C1QL3: variants seen among roughly 807,000 people sequenced by gnomAD.
The protein encoded by C1QL3 is complement C1q like 3.
Under a neutral mutation model 16.6 loss-of-function variants are expected in C1QL3, and 4 were observed. That is an observed-to-expected ratio of 0.24 (90% confidence interval 0.12 to 0.55). The LOEUF is 0.55. Ranked by LOEUF, C1QL3 falls within the 20% of genes least tolerant of loss-of-function variation. The pLI is 0.94. For synonymous variants in C1QL3, 189 were observed against 160.2 expected (o/e 1.18, Z -1.36); for missense variants, 269 against 365.6 (o/e 0.74, Z 2.16).
At position 16,520,327 on chromosome 10, in the gene C1QL3, G is replaced by C; in HGVS notation, c.588+151C>G. 1.6e-6 allele frequency: 1 copy of C among 619,812 alleles called. No homozygotes were observed. Among genetic ancestry groups the C allele is most frequent in the Non-Finnish European group, 2.7e-6 (1 of 369,738 alleles). 38.4% of individuals were successfully genotyped at this position (619,812 alleles called of 1,614,324 possible). On this transcript the variant is annotated intron_variant, in intron 1 of 1. Transcript: ENST00000298943. The surrounding 1 kb of genome is among the most constrained non-coding windows in gnomAD (Gnocchi z 8.3). ...GCACGACCCCCGCCTCTCCAGGGTG[G>C]GACGGCGTCCCCCCTTGCCGTCGCT...
Position 16,521,551 on chromosome 10 carries a change from G to A in C1QL3, c.-486C>T, listed in dbSNP as rs1404701367. 6.5e-6 allele frequency: 1 copy of A among 153,538 alleles called. No individual in the cohort carries two copies. The highest frequency in any genetic ancestry group is 2.4e-5 in the African/African-American group (1 of 41,450). 9.5% of individuals were successfully genotyped at this position (153,538 alleles called of 1,614,324 possible). A position where few individuals can be genotyped will look rare whatever the true frequency, so the allele number is the denominator to read the frequency against. On this transcript the variant is annotated 5_prime_UTR_variant, in exon 1 of 2. Coordinates refer to ENST00000298943, the MANE Select transcript of C1QL3 (RefSeq NM_001010908.2). ...GCCTGTTCGCACCAACTTTCCGTCT[G>A]AAGTTGCCTTTTTCTGCCTCCTCCT...
Position 16,520,480 on chromosome 10 carries a change from G to T in C1QL3, c.586C>A (p.Gln196Lys), listed in dbSNP as rs1049343194. The change falls in exon 1 of 2, where the codon CAG (glutamine) becomes AAG (lysine). Residue 196 changes from glutamine (Q) to lysine (K), a missense_variant and splice_region_variant. Coordinates refer to ENST00000298943, the MANE Select transcript of C1QL3 (RefSeq NM_001010908.2). This position sits in a 1 kb window ranked among gnomAD's most constrained non-coding sequence, Gnocchi z 8.3. The stretch of plus-strand genomic sequence containing the variant: ...CCCCGCCGCCCGCCCGCGCTCACCT[G>T]GTTGTTTTTGCAGAGATCAGCCCAC... The part of the protein sequence containing the change: ...SMWADLCKNN[Q>K]VRASAIAQDA... 2.6e-6 allele frequency: 4 copies of T among 1,557,608 alleles called. No homozygotes were observed. Among genetic ancestry groups the T allele is most frequent in the Non-Finnish European group, 3.5e-6 (4 of 1,148,814 alleles).
intron 1 of C1QL3, among the ~76,000 whole-genome samples, chr10:16,519,413 C>CGCAGGCT (rs141023069): frequency 0.029 from 4,436 of 151,834 alleles, 205 homozygotes; most frequent in African/African-American, 0.098. Flanking sequence ...CAGCCCACAC[C>CGCAGGCT]GCAGGCTGCA....
At position 16,520,441 on chromosome 10, in the gene C1QL3, T is replaced by TCCCCAC; in HGVS notation, c.588+36_588+37insGTGGGG. 3 of 1,227,530 alleles carry TCCCCAC rather than the reference T, an allele frequency of 2.4e-6. No homozygotes were observed. Among genetic ancestry groups the TCCCCAC allele is most frequent in the East Asian group, 2.8e-5 (1 of 35,374 alleles). 76.0% of individuals were successfully genotyped at this position (1,227,530 alleles called of 1,614,324 possible). A position where few individuals can be genotyped will look rare whatever the true frequency, so the allele number is the denominator to read the frequency against. On this transcript the variant is annotated intron_variant, in intron 1 of 1. Coordinates refer to ENST00000298943, the MANE Select transcript of C1QL3 (RefSeq NM_001010908.2). The surrounding 1 kb of genome is among the most constrained non-coding windows in gnomAD (Gnocchi z 8.3). ...CCCTCTCGCCCGCACCTTCCCGCGC[T>TCCCCAC]CCCTCCCCGCCCTCCCCGCCGCCCG...
chr10:16,515,899 G>A (rs775216156), intron 1 of C1QL3, among the ~76,000 whole-genome samples: 3 of 152,064 alleles, frequency 2.0e-5, no homozygotes, highest in Non-Finnish European at 4.4e-5. Flanking sequence ...ATGATTTGGG[G>A]TACAATATGC....
At position 16,520,048 on chromosome 10, in the gene C1QL3, CA is replaced by C. The variant is rs1427807039; in HGVS notation, c.588+429del. Among the ~76,000 whole-genome samples the C allele has an allele frequency of 1.3e-5, 2 of 152,066 alleles. No individual in the cohort carries two copies. The highest frequency in any genetic ancestry group is 4.8e-5 in the African/African-American group (2 of 41,408). On this transcript the variant is annotated intron_variant, in intron 1 of 1. Coordinates refer to ENST00000298943, the MANE Select transcript of C1QL3 (RefSeq NM_001010908.2). The surrounding 1 kb of genome is among the most constrained non-coding windows in gnomAD (Gnocchi z 8.3). ...CTTTGTCTACCACCCCCGAGTCGGTCACCCTGCCACGCCCATTCCGGACTCC... is the reference window on the plus strand; with the variant it reads ...CTTTGTCTACCACCCCCGAGTCGGTCCCCTGCCACGCCCATTCCGGACTCC...
Position 16,514,188 on chromosome 10 carries a change from A to C in C1QL3, c.*340T>G, listed in dbSNP as rs1404420948. ...ACATATGGATAAAAGCAGCAAGATCACAGTACACCAAAGTATCATATATAT... is the reference window on the plus strand; with the variant it reads ...ACATATGGATAAAAGCAGCAAGATCCCAGTACACCAAAGTATCATATATAT... On this transcript the variant is annotated 3_prime_UTR_variant, in exon 2 of 2. Transcript: ENST00000298943. 2.5e-6 allele frequency: 1 copy of C among 399,590 alleles called. No individual in the cohort carries two copies. Among genetic ancestry groups the C allele is most frequent in the Non-Finnish European group, 4.4e-6 (1 of 227,230 alleles). 24.8% of individuals were successfully genotyped at this position (399,590 alleles called of 1,614,324 possible).
rs1158980370 is a variant in C1QL3 at position 16,521,077 on chromosome 10, G to A, written c.-12C>T. 1.9e-6 allele frequency: 3 copies of A among 1,590,508 alleles called. No homozygotes were observed. In the East Asian group the frequency reaches 6.8e-5, roughly 36 times the overall value. On this transcript the variant is annotated 5_prime_UTR_variant, in exon 1 of 2. Coordinates refer to ENST00000298943, the MANE Select transcript of C1QL3 (RefSeq NM_001010908.2). The stretch of plus-strand genomic sequence containing the variant: ...AGCAGCAGCACCATCACCACCCCCA[G>A]CGCCCCGGCGGCGATCAGGCGCCTC...
intron 1 of C1QL3, among the ~76,000 whole-genome samples, chr10:16,517,699 T>G (rs908663317): frequency 3.3e-5 from 5 of 152,202 alleles, no homozygotes; most frequent in South Asian, 2.1e-4. Flanking sequence ...TTTAGGGATA[T>G]GTTTCTGTGT....
chr10:16,518,130 G>C (rs1836982551), intron 1 of C1QL3, among the ~76,000 whole-genome samples: 1 of 152,148 alleles, frequency 6.6e-6, no homozygotes, highest in Admixed American at 6.5e-5. Flanking sequence ...TCTAAGAAGT[G>C]ATCAGACCAG....
At position 16,520,055 on chromosome 10, in the gene C1QL3, C is replaced by T. The variant is rs1305605215; in HGVS notation, c.588+423G>A. Reference sequence around the variant, plus strand: ...TACCACCCCCGAGTCGGTCACCCTGCCACGCCCATTCCGGACTCCCCCAGG... The same window carrying T: ...TACCACCCCCGAGTCGGTCACCCTGTCACGCCCATTCCGGACTCCCCCAGG... On this transcript the variant is annotated intron_variant, in intron 1 of 1. Coordinates refer to ENST00000298943, the MANE Select transcript of C1QL3 (RefSeq NM_001010908.2). The surrounding 1 kb of genome is among the most constrained non-coding windows in gnomAD (Gnocchi z 8.3). Among the ~76,000 whole-genome samples the T allele has an allele frequency of 6.6e-6, 1 of 152,034 alleles. No homozygotes were observed. The highest frequency in any genetic ancestry group is 1.5e-5 in the Non-Finnish European group (1 of 67,984).
chr10:16,518,029 T>A (rs901418039), intron 1 of C1QL3, among the ~76,000 whole-genome samples: 1 of 152,208 alleles, frequency 6.6e-6, no homozygotes, highest in African/African-American at 2.4e-5. Context: ...CTTCTCAAAA[T>A]CCACTTAATC....
chr10:16,514,392 G>T lies in C1QL3; in HGVS notation c.*136C>A. The T allele has an allele frequency of 1.5e-6, 1 of 669,600 alleles. No homozygotes were observed. Among genetic ancestry groups the T allele is most frequent in the Non-Finnish European group, 2.6e-6 (1 of 382,262 alleles). 41.5% of individuals were successfully genotyped at this position (669,600 alleles called of 1,614,324 possible). A position where few individuals can be genotyped will look rare whatever the true frequency, so the allele number is the denominator to read the frequency against. ...TTCTGAGTGATACAGATGTGAGTCAGGTAGCATTTGATTTCCCCACATATA... is the reference window on the plus strand; with the variant it reads ...TTCTGAGTGATACAGATGTGAGTCATGTAGCATTTGATTTCCCCACATATA... On this transcript the variant is annotated 3_prime_UTR_variant, in exon 2 of 2. Coordinates refer to ENST00000298943, the MANE Select transcript of C1QL3 (RefSeq NM_001010908.2).
rs529048732 is a variant in C1QL3, at chr10:16,520,997, C to T, written c.69G>A (p.Glu23=). ...AGACCATGCGGCAGGTGCCCAGCAT[C>T]TCGTAGTGCGCCGACGTGCCGGCCG... ...VSSAGTSAHY[E]MLGTCRMVCD... Residue 23 remains glutamate, a synonymous_variant, in exon 1 of 2, where the codon GAG becomes GAA. Coordinates refer to ENST00000298943, the MANE Select transcript of C1QL3 (RefSeq NM_001010908.2). The surrounding 1 kb of genome is among the most constrained non-coding windows in gnomAD (Gnocchi z 8.3). The T allele has an allele frequency of 1.9e-5, 31 of 1,596,936 alleles. No homozygotes were observed. In the African/African-American group the frequency reaches 2.5e-4, roughly 13 times the overall value.
rs1313627422 is a variant in C1QL3, at chr10:16,520,513, T to A, written c.553A>T (p.Thr185Ser). ...TTGCAGAGATCAGCCCACATGCTGG[T>A]GCCGTCCCCTCCGCGCATCAGGACG... ...YHVLMRGGDG[T>S]SMWADLCKNN... Residue 185 changes from threonine to serine, a missense_variant, in exon 1 of 2, where the codon ACC becomes TCC. Transcript: ENST00000298943. The surrounding 1 kb of genome is among the most constrained non-coding windows in gnomAD (Gnocchi z 8.3). 1 of 1,533,218 alleles carries A rather than the reference T, an allele frequency of 6.5e-7. No individual in the cohort carries two copies. Among genetic ancestry groups the A allele is most frequent in the South Asian group, 1.1e-5 (1 of 89,774 alleles). 95.0% of individuals were successfully genotyped at this position (1,533,218 alleles called of 1,614,324 possible).
In C1QL3 at chr10:16,519,140, C is replaced by CTTTTTTTT. The variant is rs567187339; in HGVS notation, c.588+1330_588+1337dup. Among the ~76,000 whole-genome samples, 15 of 39,450 alleles carry CTTTTTTTT rather than the reference C, an allele frequency of 3.8e-4. 2 individuals carry two copies. Among genetic ancestry groups the CTTTTTTTT allele is most frequent in the South Asian group, 1.4e-3 (1 of 706 alleles). 25.9% of individuals were successfully genotyped at this position (39,450 alleles called of 152,430 possible). ...TTTTTTCTCTCTTACGCATTTAGGA[C>CTTTTTTTT]TTTTTTTTTTTTTTTTTTGGTCTTT... On this transcript the variant is annotated intron_variant, in intron 1 of 1. Transcript: ENST00000298943.
In C1QL3 at chr10:16,520,792, C is replaced by T. The variant is rs1588642478; in HGVS notation, c.274G>A (p.Glu92Lys). ...GPPGPMGPPG[E>K]KGEPGRQGLP... ...CCTTGGCGGCCCGGCTCGCCCTTCT[C>T]GCCCGGGGGCCCCATGGGGCCGGGT... is the stretch of plus-strand genomic sequence containing the variant. Residue 92 changes from glutamate to lysine, a missense_variant, in exon 1 of 2, where the codon GAG becomes AAG. Glu to Lys is a moderately conservative substitution (Grantham distance 56, BLOSUM62 1). Coordinates refer to ENST00000298943, the MANE Select transcript of C1QL3 (RefSeq NM_001010908.2). The surrounding 1 kb of genome is among the most constrained non-coding windows in gnomAD (Gnocchi z 8.3). 3.1e-6 allele frequency: 4 copies of T among 1,300,464 alleles called. No individual in the cohort carries two copies. The highest frequency in any genetic ancestry group is 3.9e-6 in the Non-Finnish European group (4 of 1,023,718). 80.6% of individuals were successfully genotyped at this position (1,300,464 alleles called of 1,614,324 possible).
intron 1 of C1QL3, among the ~76,000 whole-genome samples, chr10:16,516,188 T>A (rs1836948847): frequency 6.6e-6 from 1 of 152,176 alleles, no homozygotes. Flanking sequence ...TAACAGGCAC[T>A]AATATAATGA....
intron 1 of C1QL3, among the ~76,000 whole-genome samples, chr10:16,518,632 G>A (rs1047340035): frequency 6.6e-6 from 1 of 152,148 alleles, no homozygotes; most frequent in Non-Finnish European, 1.5e-5. Flanking sequence ...TAATTTAAAT[G>A]TATTAATCCC....
Sources: gnomAD v4.1 joint callset for allele counts (sites outside exome capture counted in the v4.1 genomes callset) on GRCh38, gnomAD v4.1.1 for gene constraint, Gnocchi (gnomAD v3.1) non-coding constraint, MANE v1.5 for transcripts, NCBI Gene and HGNC (gene_info 2026-07-23, HGNC 2026-07-21) for gene names.